The following CDYL2 variants were observed in gnomAD, a reference collection of about 807,000 sequenced individuals.
The protein encoded by CDYL2 is chromodomain Y like 2, also known as chromodomain Y-like protein 2.
In CDYL2, 23 loss-of-function variants were observed where a neutral mutation model predicts 49.4. That is an observed-to-expected ratio of 0.47 (90% CI 0.34 to 0.66). The LOEUF is 0.66. Ranked by LOEUF, CDYL2 falls within the 30% of genes least tolerant of loss-of-function variation. CDYL2 has a pLI of 0.01. For missense variants in CDYL2, 678 were observed against 656.4 expected, an observed-to-expected ratio of 1.03 and a Z score of -0.36; for synonymous variants, 360 against 268.8, an observed-to-expected ratio of 1.34 and a Z score of -3.32.
intron 2 of CDYL2, among the ~76,000 whole-genome samples, chr16:80,664,767 T>G (rs1307186216): frequency 6.6e-6 from 1 of 152,162 alleles, no homozygotes; most frequent in South Asian, 2.1e-4. Flanking sequence ...AACAGCCACC[T>G]ACTGACTAAT....
At position 80,624,168 on chromosome 16, in the gene CDYL2, G is replaced by C. The variant is rs368344164; in HGVS notation, c.835-3233C>G. On this transcript the variant is annotated intron_variant, in intron 3 of 6. Coordinates refer to ENST00000570137, the MANE Select transcript of CDYL2 (RefSeq NM_152342.4). The stretch of plus-strand genomic sequence containing the variant: ...CTGGTATTCACAAGGACTCAAGGCA[G>C]TTGGCCAGGCTGAAAAGGTACAGGC... Among the ~76,000 whole-genome samples the C allele has an allele frequency of 4.6e-5, 7 of 152,308 alleles. No homozygotes were observed. In the South Asian group the frequency reaches 1.4e-3, roughly 32 times the overall value.
Position 80,651,716 on chromosome 16 carries a change from C to T in CDYL2, c.617-18480G>A, listed in dbSNP as rs74575809. On this transcript the variant is annotated intron_variant, in intron 2 of 6. Transcript: ENST00000570137. The stretch of plus-strand genomic sequence containing the variant: ...CTGAAGGGGTTACGGAAATATGGTG[C>T]CGACATAAATAACTTTAGAAATGAG... 1.5e-4 allele frequency among the ~76,000 whole-genome samples: 23 copies of T among 152,166 alleles called. No individual in the cohort carries two copies. In the East Asian group the frequency reaches 4.0e-3, roughly 27 times the overall value.
At chr16:80,643,641 G>T (rs1908203947) in intron 2 of CDYL2, among the ~76,000 whole-genome samples, 2 of 152,210 alleles carry the variant, frequency 1.3e-5, no homozygotes, top group Non-Finnish European at 2.9e-5. Flanking sequence ...TTGACTTCTG[G>T]GCACTCATAG....
intron 1 of CDYL2, among the ~76,000 whole-genome samples, chr16:80,748,941 C>A (rs1035554224): frequency 2.6e-5 from 4 of 152,158 alleles, no homozygotes; most frequent in Non-Finnish European, 5.9e-5. Context: ...ATTTTACATT[C>A]TTTCTGTACA....
chr16:80,696,354 C>T (rs1378035393), intron 1 of CDYL2, among the ~76,000 whole-genome samples: 2 of 151,694 alleles, frequency 1.3e-5, no homozygotes, highest in Admixed American at 6.6e-5. Context: ...AAGAAAAAAC[C>T]GAACTCAATA....
chr16:80,673,902 T>C (rs1379780256), intron 2 of CDYL2, among the ~76,000 whole-genome samples: 1 of 151,860 alleles, frequency 6.6e-6, no homozygotes, highest in Non-Finnish European at 1.5e-5. Flanking sequence ...GAAGGAGATG[T>C]GAGGATGGAT....
chr16:80,690,865 C>T (rs1910388212), intron 1 of CDYL2, among the ~76,000 whole-genome samples: 1 of 152,186 alleles, frequency 6.6e-6, no homozygotes, highest in Non-Finnish European at 1.5e-5. Context: ...GACTCATCAC[C>T]AGTCATAATC....
At chr16:80,630,064 A>G (rs778880412) in intron 3 of CDYL2, among the ~76,000 whole-genome samples, 22 of 152,312 alleles carry the variant, frequency 1.4e-4, no homozygotes, top group Admixed American at 3.9e-4. Context: ...TGCTAGACTA[A>G]AACCTGTATT....
intron 1 of CDYL2, among the ~76,000 whole-genome samples, chr16:80,792,903 G>C (rs1049220494): frequency 6.6e-6 from 1 of 152,186 alleles, no homozygotes; most frequent in East Asian, 1.9e-4. Flanking sequence ...CCGACGCTGG[G>C]ATATAAGGGC....
chr16:80,677,656 G>A (rs997478340), intron 2 of CDYL2, among the ~76,000 whole-genome samples: 7 of 151,906 alleles, frequency 4.6e-5, no homozygotes, highest in Non-Finnish European at 7.4e-5. Flanking sequence ...GGAGAATGGC[G>A]TGAACTCAGG....
At chr16:80,677,033 C>G (rs556375695) in intron 2 of CDYL2, among the ~76,000 whole-genome samples, 4 of 134,848 alleles carry the variant, frequency 3.0e-5, no homozygotes, top group Non-Finnish European at 6.1e-5. Flanking sequence ...TGCAGTGGCA[C>G]AATCACAGCT....
In CDYL2 at chr16:80,619,195, G is replaced by A. The variant is rs145933939; in HGVS notation, c.1007+1568C>T. On this transcript the variant is annotated intron_variant, in intron 4 of 6. Transcript: ENST00000570137. ...CTCTTATGAAATAAGTTCTCTCTGC[G>A]TCTGGAGCCCACACTCCAATCCAGG... Among the ~76,000 whole-genome samples, 7 of 152,202 alleles carry A rather than the reference G, an allele frequency of 4.6e-5. No individual in the cohort carries two copies. The East Asian group carries it at 1.2e-3, about 25-fold the overall frequency.
intron 1 of CDYL2, among the ~76,000 whole-genome samples, chr16:80,765,250 A>G (rs190712352): frequency 4.6e-4 from 69 of 150,606 alleles, no homozygotes; most frequent in African/African-American, 1.6e-3. Flanking sequence ...AGCTCCGAGT[A>G]TCCATGCTTG....
At position 80,699,729 on chromosome 16, in the gene CDYL2, G is replaced by C. The variant is rs575974884; in HGVS notation, c.25-14600C>G. Among the ~76,000 whole-genome samples the C allele has an allele frequency of 2.0e-5, 3 of 152,234 alleles. No individual in the cohort carries two copies. In the South Asian group the frequency reaches 6.2e-4, roughly 32 times the overall value. ...AAGGGATGGATATGCTAATTACCCT[G>C]ATTTGATCATTACACATTATCTATA... On this transcript the variant is annotated intron_variant, in intron 1 of 6. Coordinates refer to ENST00000570137, the MANE Select transcript of CDYL2 (RefSeq NM_152342.4).
intron 2 of CDYL2, among the ~76,000 whole-genome samples, chr16:80,670,633 C>G (rs1909462728): frequency 6.6e-6 from 1 of 152,168 alleles, no homozygotes; most frequent in Admixed American, 6.5e-5. Context: ...AGGAGGCCCT[C>G]AGAGAACCCC....
chr16:80,744,643 C>T (rs1044763112), intron 1 of CDYL2, among the ~76,000 whole-genome samples: 1 of 152,144 alleles, frequency 6.6e-6, no homozygotes, highest in Non-Finnish European at 1.5e-5. Context: ...GCAACTTGCC[C>T]ATGTGATAGG....
In CDYL2 at chr16:80,682,202, G is replaced by C. The variant is rs527740981; in HGVS notation, c.616+2336C>G. Among the ~76,000 whole-genome samples the C allele has an allele frequency of 4.6e-5, 7 of 152,278 alleles. No homozygotes were observed. In the East Asian group the frequency reaches 7.7e-4, roughly 17 times the overall value. ...GCTATGGGATGTGATTAAGCAAAAG[G>C]GCCCTTTTGAAACAGACAAAACAGA... On this transcript the variant is annotated intron_variant, in intron 2 of 6. Coordinates refer to ENST00000570137, the MANE Select transcript of CDYL2 (RefSeq NM_152342.4).
chr16:80,656,764 T>TC (rs749937368), intron 2 of CDYL2, among the ~76,000 whole-genome samples: 2 of 152,070 alleles, frequency 1.3e-5, no homozygotes, highest in Non-Finnish European at 2.9e-5. Flanking sequence ...GATAATCATC[T>TC]CTGCGTATGA....
At chr16:80,714,161 C>T (rs1056285450) in intron 1 of CDYL2, among the ~76,000 whole-genome samples, 1 of 152,208 alleles carries the variant, frequency 6.6e-6, no homozygotes, top group Non-Finnish European at 1.5e-5. Context: ...AACTTAAGCA[C>T]TGTCCCAGTC....
Sources: allele counts gnomAD v4.1 joint callset (sites outside exome capture counted in the v4.1 genomes callset), GRCh38; gene constraint gnomAD v4.1.1; transcripts MANE v1.5; gene names NCBI Gene and HGNC (gene_info 2026-07-23, HGNC 2026-07-21).